The following PREX1 variants were observed in gnomAD, a reference collection of about 807,000 sequenced individuals.
PREX1 encodes phosphatidylinositol-3,4,5-trisphosphate dependent Rac exchange factor 1, also known as phosphatidylinositol 3,4,5-trisphosphate-dependent Rac exchanger 1 protein.
A neutral mutation model predicts 198.3 loss-of-function variants in PREX1; 41 were observed. The observed-to-expected ratio is 0.21, with a 90% CI of 0.16 to 0.27. The LOEUF is 0.27. Among genes scored for constraint, PREX1 ranks in the 10% least tolerant of loss-of-function variants. The pLI, the probability that PREX1 is intolerant of heterozygous loss-of-function variation, is 1.00. For missense variants in PREX1, 1,620 were observed against 2,200.7 expected, an observed-to-expected ratio of 0.74 and a Z score of 5.28; for synonymous variants, 843 against 887.2, an observed-to-expected ratio of 0.95 and a Z score of 0.89.
chr20:48,865,867 A>G, the PREX1 span, among the ~76,000 whole-genome samples: 2 of 152,060 alleles, frequency 1.3e-5, no homozygotes, highest in Admixed American at 1.3e-4. Context: ...ATAATGGGCT[A>G]TTACCTCTGG....
At chr20:48,885,037 C>T in the PREX1 span, among the ~76,000 whole-genome samples, 4 of 152,318 alleles carry the variant, frequency 2.6e-5, no homozygotes, top group South Asian at 6.2e-4. Context: ...AGGCAAATTA[C>T]TCAACCTCTC....
chr20:48,761,148 C>G (rs537433653), intron 1 of PREX1, among the ~76,000 whole-genome samples: 24 of 152,300 alleles, frequency 1.6e-4, no homozygotes, highest in African/African-American at 5.3e-4. Flanking sequence ...TTGCGTGTAT[C>G]GGAGGACACA....
At chr20:48,646,381 G>C (rs2089451001) in intron 25 of PREX1, among the ~76,000 whole-genome samples, 1 of 152,184 alleles carries the variant, frequency 6.6e-6, no homozygotes, top group East Asian at 1.9e-4. Context: ...ATGACACCTT[G>C]TTTAAAAATG....
At chr20:48,776,644 T>C (rs2090263794) in intron 1 of PREX1, among the ~76,000 whole-genome samples, 1 of 152,230 alleles carries the variant, frequency 6.6e-6, no homozygotes, top group South Asian at 2.1e-4. Flanking sequence ...TACTTTGCTC[T>C]CTGCCTGGAA....
chr20:48,668,922 C>T (rs1460172832), intron 14 of PREX1, among the ~76,000 whole-genome samples: 2 of 152,152 alleles, frequency 1.3e-5, no homozygotes, highest in Admixed American at 6.5e-5. Flanking sequence ...CCTTCTGAGG[C>T]GCTCACAGTC....
chr20:48,676,970 C>T (rs1023571702), intron 13 of PREX1, among the ~76,000 whole-genome samples: 5 of 152,154 alleles, frequency 3.3e-5, no homozygotes, highest in South Asian at 2.1e-4. Flanking sequence ...GAATCCCTGC[C>T]GAGCCTGGAT....
At chr20:48,662,472 C>A (rs1212802342) in intron 15 of PREX1, among the ~76,000 whole-genome samples, 1 of 152,198 alleles carries the variant, frequency 6.6e-6, no homozygotes, top group Non-Finnish European at 1.5e-5. Flanking sequence ...TGCCCTTTAG[C>A]CTCTCTGAGC....
the PREX1 span, among the ~76,000 whole-genome samples, chr20:48,858,054 A>G: frequency 9.1e-4 from 139 of 152,362 alleles, no homozygotes; most frequent in Admixed American, 3.7e-3. Flanking sequence ...GGCAGGGGCC[A>G]TGTCTCAGGC....
the PREX1 span, among the ~76,000 whole-genome samples, chr20:48,848,856 C>T: frequency 5.9e-5 from 9 of 152,168 alleles, no homozygotes; most frequent in Non-Finnish European, 1.0e-4. Flanking sequence ...CCTGCCTCAC[C>T]CTCCTGAGTA....
intron 20 of PREX1, 86 bp downstream of exon 20, chr20:48,653,272 AGGC>A: frequency 6.5e-7 from 1 of 1,536,806 alleles, no homozygotes; most frequent in Non-Finnish European, 8.8e-7. Context: ...TGGTACATGC[AGGC>A]TTTTCTCTAA....
the PREX1 span, among the ~76,000 whole-genome samples, chr20:48,862,790 A>AAAAAAAAAAAAAATATATATATAG: frequency 9.7e-6 from 1 of 102,584 alleles, no homozygotes; most frequent in Non-Finnish European, 1.9e-5. Context: ...TAAAAAAAAA[A>AAAAAAAAAAAAAATATATATATAG]ATATATATAT....
At chr20:48,813,562 T>G (rs1412449798) in intron 1 of PREX1, among the ~76,000 whole-genome samples, 1 of 152,230 alleles carries the variant, frequency 6.6e-6, no homozygotes, top group African/African-American at 2.4e-5. Flanking sequence ...AACGTCTGTC[T>G]TCCTAAGTGA....
the PREX1 span, among the ~76,000 whole-genome samples, chr20:48,867,194 G>A: frequency 6.6e-6 from 1 of 152,218 alleles, no homozygotes; most frequent in South Asian, 2.1e-4. Context: ...ATTGTTCAAG[G>A]AGAAATCAAG....
At chr20:48,708,976 G>A (rs1336318203) in intron 5 of PREX1, among the ~76,000 whole-genome samples, 1 of 152,092 alleles carries the variant, frequency 6.6e-6, no homozygotes, top group Non-Finnish European at 1.5e-5. Flanking sequence ...CAAGGATATG[G>A]GACTGAGCAA....
In PREX1 at chr20:48,809,045, G is replaced by A. The variant is rs909396664; in HGVS notation, c.219+18597C>T. ...GCTTCCTCATCGACACAATAAACAG[G>A]CAACGCAGGAACACCTTCCCCACCA... On this transcript the variant is annotated intron_variant, in intron 1 of 39. Transcript: ENST00000371941. Among the ~76,000 whole-genome samples, 5 of 152,140 alleles carry A rather than the reference G, an allele frequency of 3.3e-5. No homozygotes were observed. The South Asian group carries it at 6.2e-4, about 19-fold the overall frequency.
At chr20:48,849,826 A>G in the PREX1 span, among the ~76,000 whole-genome samples, 5 of 152,178 alleles carry the variant, frequency 3.3e-5, no homozygotes, top group Non-Finnish European at 7.3e-5. Context: ...GTGGGGGGGA[A>G]TAATGGTAAA....
At chr20:48,651,153 C>T (rs1601045044) in intron 22 of PREX1, 98 bp from the exon 23 acceptor site, 14 of 1,449,184 alleles carry the variant, frequency 9.7e-6, no homozygotes, top group Admixed American at 4.3e-5. Flanking sequence ...TAATACCCCC[C>T]GGGAAGTCAG....
the PREX1 span, among the ~76,000 whole-genome samples, chr20:48,839,919 AAC>A: frequency 6.6e-6 from 1 of 152,228 alleles, no homozygotes; most frequent in East Asian, 1.9e-4. Context: ...ACTGATCGCT[AAC>A]AGTCACCTTG....
chr20:48,838,934 G>A, the PREX1 span, among the ~76,000 whole-genome samples: 12 of 131,046 alleles, frequency 9.2e-5, no homozygotes, highest in Admixed American at 1.0e-3. Flanking sequence ...GCTGAGGCAT[G>A]AGAATTGCTT....
Sources: gnomAD v4.1 joint callset for allele counts (sites outside exome capture counted in the v4.1 genomes callset) on GRCh38, gnomAD v4.1.1 for gene constraint, MANE v1.5 for transcripts, NCBI Gene and HGNC (gene_info 2026-07-23, HGNC 2026-07-21) for gene names.